Variants in FAM219A observed in about 807,000 individuals in gnomAD.
FAM219A encodes the protein family with sequence similarity 219 member A.
Under a neutral mutation model 23.4 loss-of-function variants are expected in FAM219A, and 7 were observed. The observed-to-expected ratio is 0.30, with a 90% confidence interval of 0.17 to 0.56. FAM219A has a LOEUF of 0.56. Among genes scored for constraint, FAM219A ranks in the 20% least tolerant of loss-of-function variants. The pLI is 0.92. For synonymous variants in FAM219A, 93 were observed against 99.0 expected (o/e 0.94, Z 0.36); for missense variants, 166 against 246.9 (o/e 0.67, Z 2.20).
At chr9:34,405,646 G>T (rs192603516) in intron 2 of FAM219A, among the ~76,000 whole-genome samples, 3 of 152,258 alleles carry the variant, frequency 2.0e-5, no homozygotes, top group Non-Finnish European at 2.9e-5. Flanking sequence ...AACGTTCTTG[G>T]CTTCAGAGAT....
At chr9:34,448,764 A>C (rs535887654) in intron 1 of FAM219A, among the ~76,000 whole-genome samples, 2 of 152,292 alleles carry the variant, frequency 1.3e-5, no homozygotes, top group South Asian at 2.1e-4. Context: ...AAAATGAGAA[A>C]TAGAACTAGG....
intron 1 of FAM219A, among the ~76,000 whole-genome samples, chr9:34,452,425 G>A (rs986221972): frequency 6.6e-6 from 1 of 152,192 alleles, no homozygotes; most frequent in Non-Finnish European, 1.5e-5. Context: ...AGGTGTCCAT[G>A]CCACAAACTT....
At chr9:34,409,319 TGGCAATGTAATCAG>T (rs1443792241) in intron 1 of FAM219A, among the ~76,000 whole-genome samples, 3 of 152,228 alleles carry the variant, frequency 2.0e-5, no homozygotes, top group African/African-American at 7.2e-5. Flanking sequence ...AACCATTGCA[TGGCAATGTAATCAG>T]GGAGATTAAA....
chr9:34,405,979 C>A lies in FAM219A; in HGVS notation c.61-15G>T. The A allele has an allele frequency of 6.2e-7, 1 of 1,600,398 alleles. No individual in the cohort carries two copies. ...GCGGCTGGGTCCTGTGGGGAGAAAG[C>A]AGTAAGACAGAGAGTTGTTAGGGAG... is the stretch of plus-strand genomic sequence containing the variant. On this transcript the variant is annotated splice_polypyrimidine_tract_variant and intron_variant, in intron 1 of 5. Coordinates refer to ENST00000651358, the MANE Select transcript of FAM219A (RefSeq NM_001184940.2).
At chr9:34,453,859 G>C (rs571277898) in intron 1 of FAM219A, among the ~76,000 whole-genome samples, 2 of 152,334 alleles carry the variant, frequency 1.3e-5, no homozygotes, top group South Asian at 4.1e-4. Flanking sequence ...CCAACAAGCT[G>C]AGCAGACAGA....
intron 1 of FAM219A, among the ~76,000 whole-genome samples, chr9:34,455,935 G>A (rs1823715255): frequency 6.6e-6 from 1 of 152,186 alleles, no homozygotes; most frequent in Admixed American, 6.5e-5. Context: ...GCTCACTCTT[G>A]TAATCCTAGC....
Position 34,409,516 on chromosome 9 carries a change from A to T in FAM219A, c.61-3552T>A, listed in dbSNP as rs551366258. ...GATTATTAATAAACACTCAGCAGAG[A>T]CAGACATTGAAATGCATCTCTAACA... On this transcript the variant is annotated intron_variant, in intron 1 of 5. Transcript: ENST00000651358. Among the ~76,000 whole-genome samples the T allele has an allele frequency of 2.1e-4, 32 of 152,344 alleles. No individual in the cohort carries two copies. The Middle Eastern group carries it at 0.017, about 81-fold the overall frequency.
At chr9:34,416,754 G>T (rs200428230) in intron 1 of FAM219A, among the ~76,000 whole-genome samples, 1 of 48,076 alleles carries the variant, frequency 2.1e-5, no homozygotes. Flanking sequence ...AAAAAAGTAT[G>T]ATTTTTTTAT....
At chr9:34,406,530 A>G (rs1821642373) in intron 1 of FAM219A, 2 of 976,630 alleles carry the variant, frequency 2.0e-6, no homozygotes, top group African/African-American at 1.8e-5. Flanking sequence ...GGACTTCTCC[A>G]GTTCACAAAT....
In FAM219A at chr9:34,417,023, C is replaced by T. The variant is rs1036733137; in HGVS notation, c.61-11059G>A. 7.3e-4 allele frequency among the ~76,000 whole-genome samples: 110 copies of T among 151,656 alleles called. 1 individual carries two copies. The highest frequency in any genetic ancestry group is 2.6e-3 in the Admixed American group (39 of 15,200). ...TTCTCCTTCTTCCTTCTTCCTTCTTCCCTCTTCCCTCCTCCTTCTTCCCCT... is the reference window on the plus strand; with the variant it reads ...TTCTCCTTCTTCCTTCTTCCTTCTTTCCTCTTCCCTCCTCCTTCTTCCCCT... On this transcript the variant is annotated intron_variant, in intron 1 of 5. Coordinates refer to ENST00000651358, the MANE Select transcript of FAM219A (RefSeq NM_001184940.2). The surrounding 1 kb of genome is among the most constrained non-coding windows in gnomAD (Gnocchi z 4.1).
intron 1 of FAM219A, among the ~76,000 whole-genome samples, chr9:34,421,003 T>TGAGAGAGAGAGA (rs1389449891): frequency 1.3e-4 from 6 of 46,804 alleles, no homozygotes; most frequent in African/African-American, 3.9e-4. Flanking sequence ...TGTGTGTGTG[T>TGAGAGAGAGAGA]GTGTGTGAGA....
intron 1 of FAM219A, among the ~76,000 whole-genome samples, chr9:34,426,770 C>G (rs1482111372): frequency 6.6e-6 from 1 of 152,130 alleles, no homozygotes; most frequent in Non-Finnish European, 1.5e-5. Flanking sequence ...GAGAGGATTG[C>G]AGGGAAAGTG....
At position 34,401,127 on chromosome 9, in the gene FAM219A, A is replaced by G; in HGVS notation, c.400-5T>C. On this transcript the variant is annotated splice_polypyrimidine_tract_variant and splice_region_variant and intron_variant, in intron 5 of 5. Transcript: ENST00000651358. ...GTTCAAATCTTGGTTGATCTGCTGT[A>G]GGCAAAGGGGAGGGAGGTCAGGCCC... 6.2e-7 allele frequency: 1 copy of G among 1,612,964 alleles called. No homozygotes were observed. Among genetic ancestry groups the G allele is most frequent in the East Asian group, 2.2e-5 (1 of 44,856 alleles).
intron 1 of FAM219A, among the ~76,000 whole-genome samples, chr9:34,430,825 G>A (rs1183886867): frequency 7.0e-6 from 1 of 143,398 alleles, no homozygotes; most frequent in Non-Finnish European, 1.5e-5. Flanking sequence ...CTGGGTGCCC[G>A]AGTGAGACCA....
chr9:34,439,550 G>A (rs1554679556), intron 1 of FAM219A, among the ~76,000 whole-genome samples: 1 of 152,162 alleles, frequency 6.6e-6, no homozygotes, highest in Non-Finnish European at 1.5e-5. Flanking sequence ...GAAGACTACT[G>A]ACCAAGTCTA....
At chr9:34,437,851 C>A (rs1206556999) in intron 1 of FAM219A, among the ~76,000 whole-genome samples, 1 of 152,262 alleles carries the variant, frequency 6.6e-6, no homozygotes, top group Non-Finnish European at 1.5e-5. Context: ...CAGCCCACCG[C>A]TGCACCGTGG....
chr9:34,402,371 A>T lies in FAM219A; in HGVS notation c.344+16T>A. On this transcript the variant is annotated intron_variant, in intron 4 of 5. Coordinates refer to ENST00000651358, the MANE Select transcript of FAM219A (RefSeq NM_001184940.2). ...TCCTTTGGGCTGCCCAGCTACCCCC[A>T]AGCCCCCATACACACCTGTCCGTGT... is the stretch of plus-strand genomic sequence containing the variant. The T allele has an allele frequency of 1.2e-6, 2 of 1,614,094 alleles. No homozygotes were observed. Among genetic ancestry groups the T allele is most frequent in the Non-Finnish European group, 1.7e-6 (2 of 1,179,976 alleles).
chr9:34,409,643 T>G (rs969051898), intron 1 of FAM219A, among the ~76,000 whole-genome samples: 1 of 152,240 alleles, frequency 6.6e-6, no homozygotes, highest in Non-Finnish European at 1.5e-5. Context: ...TATAGGCTAA[T>G]GGCTAGTGCA....
At chr9:34,444,528 C>T (rs559845452) in intron 1 of FAM219A, among the ~76,000 whole-genome samples, 3 of 152,184 alleles carry the variant, frequency 2.0e-5, no homozygotes, top group Non-Finnish European at 4.4e-5. Flanking sequence ...ACAAAGCTGA[C>T]GGCACAGTTA....
Sources: allele counts gnomAD v4.1 joint callset (sites outside exome capture counted in the v4.1 genomes callset), GRCh38; gene constraint gnomAD v4.1.1; non-coding constraint Gnocchi (gnomAD v3.1); transcripts MANE v1.5; gene names NCBI Gene and HGNC (gene_info 2026-07-23, HGNC 2026-07-21).